Variants in ZSWIM5 observed in about 807,000 individuals in gnomAD.
ZSWIM5 encodes the protein zinc finger SWIM domain-containing protein 5.
A neutral mutation model predicts 119.6 loss-of-function variants in ZSWIM5; 55 were observed. That is an observed-to-expected ratio of 0.46 (90% CI 0.37 to 0.58). ZSWIM5 has a LOEUF of 0.58. Among genes scored for constraint, ZSWIM5 ranks in the 20% least tolerant of loss-of-function variants. ZSWIM5 has a pLI of 0.00. For missense variants in ZSWIM5, 1,193 were observed against 1,512.8 expected (o/e 0.79, Z 3.51); for synonymous variants, 537 against 606.9 (o/e 0.88, Z 1.69).
At chr1:45,075,858 C>T (rs1645253490) in intron 2 of ZSWIM5, among the ~76,000 whole-genome samples, 1 of 139,764 alleles carries the variant, frequency 7.2e-6, no homozygotes. Flanking sequence ...TTACTTTTAA[C>T]TTTTTGTGTA....
chr1:45,176,047 T>A (rs1190093970), intron 1 of ZSWIM5, among the ~76,000 whole-genome samples: 1 of 151,562 alleles, frequency 6.6e-6, no homozygotes, highest in Admixed American at 6.6e-5. Flanking sequence ...CGGAGAAAAG[T>A]ACTTGGAAAC....
At chr1:45,046,894 G>A (rs1211497677) in intron 5 of ZSWIM5, among the ~76,000 whole-genome samples, 1 of 151,376 alleles carries the variant, frequency 6.6e-6, no homozygotes, top group African/African-American at 2.4e-5. Context: ...CGTGGTGGTG[G>A]GCACCTGTAA....
intron 2 of ZSWIM5, among the ~76,000 whole-genome samples, chr1:45,066,335 T>C (rs1054036296): frequency 6.6e-6 from 1 of 152,116 alleles, no homozygotes; most frequent in Admixed American, 6.6e-5. Flanking sequence ...CTGTGCCAAA[T>C]ACTGGATATA....
At chr1:45,195,745 C>T (rs1490296500) in intron 1 of ZSWIM5, among the ~76,000 whole-genome samples, 1 of 151,492 alleles carries the variant, frequency 6.6e-6, no homozygotes, top group Non-Finnish European at 1.5e-5. Flanking sequence ...ATAGGTGAAA[C>T]AATAAATAGA....
chr1:45,035,745 G>A lies in ZSWIM5; in HGVS notation c.2234C>T (p.Ser745Leu). The change falls in exon 10 of 14, where the codon TCA (serine) becomes TTA (leucine). Residue 745 changes from serine (S) to leucine (L), a missense_variant. This residue lies in a region of ZSWIM5 where 961 missense variants were observed against 1,290.0 expected (regional missense o/e 0.74). Coordinates refer to ENST00000359600, the MANE Select transcript of ZSWIM5 (RefSeq NM_020883.2). ...PMHTFAKYLF[S>L]ALLPHDPDLS... is the part of the protein sequence containing the mutation. ...GTCTGGATCATGAGGCAGCAGAGCTGAGAACAAATACTTGGCAAAGGTATG... is the reference window on the plus strand; with the variant it reads ...GTCTGGATCATGAGGCAGCAGAGCTAAGAACAAATACTTGGCAAAGGTATG... 6.2e-7 allele frequency: 1 copy of A among 1,614,006 alleles called. No individual in the cohort carries two copies. Among genetic ancestry groups the A allele is most frequent in the Non-Finnish European group, 8.5e-7 (1 of 1,180,022 alleles).
intron 1 of ZSWIM5, among the ~76,000 whole-genome samples, chr1:45,198,198 A>G (rs1393375196): frequency 6.6e-6 from 1 of 152,240 alleles, no homozygotes; most frequent in East Asian, 1.9e-4. Flanking sequence ...CCAAAACCAC[A>G]GCATCCAGAT....
At chr1:45,149,791 C>T (rs1045195203) in intron 1 of ZSWIM5, among the ~76,000 whole-genome samples, 2 of 152,138 alleles carry the variant, frequency 1.3e-5, no homozygotes, top group African/African-American at 4.8e-5. Flanking sequence ...CTTTATAAAA[C>T]AATACTTTGT....
rs1644882397 is a variant in ZSWIM5, at chr1:45,020,664, G to A, written c.2574C>T (p.Asp858=). ...CCAGGGCAACGTTGAGCAGGGTGCT[G>A]TCAGTACTACTGTCGGTGGGAGTAG... ...KIATPTDSST[D]STLLNVALEL... The change falls in exon 12 of 14, where the codon GAC becomes GAT. Residue 858 remains aspartate (D), a synonymous_variant. Coordinates refer to ENST00000359600, the MANE Select transcript of ZSWIM5 (RefSeq NM_020883.2). 6.2e-7 allele frequency: 1 copy of A among 1,614,160 alleles called. No homozygotes were observed. The highest frequency in any genetic ancestry group is 1.7e-5 in the Admixed American group (1 of 60,022).
chr1:45,040,612 G>T, intron 6 of ZSWIM5, 74 bp from the exon 7 acceptor site: 1 of 1,387,270 alleles, frequency 7.2e-7, no homozygotes, highest in Non-Finnish European at 9.7e-7. Flanking sequence ...GACAAAGAGA[G>T]TTTGTATTCA....
chr1:45,094,860 CAAA>C (rs542730310), intron 1 of ZSWIM5, among the ~76,000 whole-genome samples: 1 of 103,654 alleles, frequency 9.6e-6, no homozygotes, highest in Non-Finnish European at 2.0e-5. Context: ...ACAAGGCAAG[CAAA>C]AAAAAAAAAA....
At chr1:45,142,945 C>A (rs1032022494) in intron 1 of ZSWIM5, among the ~76,000 whole-genome samples, 19 of 149,142 alleles carry the variant, frequency 1.3e-4, no homozygotes, top group African/African-American at 4.2e-4. Context: ...CCGAGGTGAG[C>A]GGGTCACACG....
At chr1:45,191,213 G>T (rs1327527686) in intron 1 of ZSWIM5, among the ~76,000 whole-genome samples, 1 of 151,984 alleles carries the variant, frequency 6.6e-6, no homozygotes, top group Non-Finnish European at 1.5e-5. Context: ...GATTACAGGC[G>T]TGAGCCACCG....
intron 1 of ZSWIM5, among the ~76,000 whole-genome samples, chr1:45,190,354 G>A (rs140407165): frequency 1.6e-3 from 245 of 152,142 alleles, no homozygotes; most frequent in Admixed American, 3.6e-3. Context: ...CCATTCCCAG[G>A]TAAACCACTT....
At chr1:45,108,696 T>A (rs1350981487) in intron 1 of ZSWIM5, among the ~76,000 whole-genome samples, 4 of 151,908 alleles carry the variant, frequency 2.6e-5, no homozygotes, top group Non-Finnish European at 5.9e-5. Flanking sequence ...CTGTAAGCAT[T>A]CAAAAAATAT....
At chr1:45,126,689 G>A (rs1645623905) in intron 1 of ZSWIM5, among the ~76,000 whole-genome samples, 1 of 151,996 alleles carries the variant, frequency 6.6e-6, no homozygotes, top group African/African-American at 2.4e-5. Flanking sequence ...GATAGCTTGA[G>A]CTCAGGAGTT....
intron 4 of ZSWIM5, among the ~76,000 whole-genome samples, chr1:45,055,571 A>C (rs1645117028): frequency 6.6e-6 from 1 of 152,252 alleles, no homozygotes; most frequent in South Asian, 2.1e-4. Context: ...GCAGCTGGAC[A>C]CAGCCTGGAG....
intron 4 of ZSWIM5, among the ~76,000 whole-genome samples, chr1:45,054,438 C>T (rs537561531): frequency 3.3e-5 from 5 of 151,102 alleles, no homozygotes; most frequent in African/African-American, 4.9e-5. Context: ...AAAAATTAGC[C>T]GGGCGTGGTG....
At chr1:45,153,091 G>GT (rs1364807491) in intron 1 of ZSWIM5, among the ~76,000 whole-genome samples, 1 of 68,826 alleles carries the variant, frequency 1.5e-5, no homozygotes, top group African/African-American at 6.7e-5. Flanking sequence ...CTATTAAAAA[G>GT]TTAAAAAAAA....
intron 2 of ZSWIM5, among the ~76,000 whole-genome samples, chr1:45,073,572 A>G (rs1342967144): frequency 6.6e-6 from 1 of 151,500 alleles, no homozygotes; most frequent in Non-Finnish European, 1.5e-5. Context: ...TGATTTTTGT[A>G]TGTTGATTTT....
Sources: allele counts gnomAD v4.1 joint callset (sites outside exome capture counted in the v4.1 genomes callset), GRCh38; gene constraint gnomAD v4.1.1; regional missense constraint gnomAD v4.1.1; transcripts MANE v1.5; gene names NCBI Gene and HGNC (gene_info 2026-07-23, HGNC 2026-07-21).